CCNB3: variants seen among roughly 807,000 people sequenced by gnomAD.
CCNB3 encodes the protein G2/mitotic-specific cyclin-B3.
CCNB3 carries 12 observed loss-of-function variants against 68.0 expected under a neutral mutation model. That is an observed-to-expected ratio of 0.18 (90% confidence interval 0.11 to 0.29). The LOEUF (loss-of-function observed/expected upper bound fraction) is 0.29, where lower values mean the gene tolerates loss of function less well. Ranked by LOEUF, CCNB3 falls within the 10% of genes least tolerant of loss-of-function variation. The probability of loss-of-function intolerance (pLI) is 1.00; values close to 1 mark genes in which losing one functional copy is unlikely to be tolerated. For missense variants in CCNB3, 904 were observed against 993.1 expected, an observed-to-expected ratio of 0.91 and a Z score of 1.21; for synonymous variants, 354 against 388.9, an observed-to-expected ratio of 0.91 and a Z score of 1.06.
intron 1 of CCNB3, among the ~76,000 whole-genome samples, chrX:50,215,941 CTTTTTTTTTTTTT>C (rs1195858030): frequency 1.9e-5 from 1 of 52,487 alleles, no homozygotes; most frequent in Non-Finnish European, 3.3e-5. Context: ...GGGTGTGCTT[CTTTTTTTTTTTTT>C]TTTTTTTTTT....
At chrX:50,305,568 A>G (rs979574722) in intron 5 of CCNB3, among the ~76,000 whole-genome samples, 13 of 109,881 alleles carry the variant, frequency 1.2e-4, no homozygotes, top group Admixed American at 1.2e-3. Context: ...TGACGAGTTA[A>G]TGGGTGCAGC....
At chrX:50,209,438 C>A (rs1557206026) in intron 1 of CCNB3, among the ~76,000 whole-genome samples, 1 of 110,743 alleles carries the variant, frequency 9.0e-6, no homozygotes, top group South Asian at 3.9e-4. Context: ...TCACTGCAAC[C>A]TCTGCCTCCT....
In CCNB3 at chrX:50,318,747, C is replaced by T. The variant is rs141482453; in HGVS notation, c.3516+4799C>T. 3.8e-3 allele frequency among the ~76,000 whole-genome samples: 421 copies of T among 111,449 alleles called. 3 individuals are homozygous for T. The highest frequency in any genetic ancestry group is 0.013 in the African/African-American group (403 of 30,706). The stretch of plus-strand genomic sequence containing the variant: ...TTGGCTGGTAATCTGGAAACTTGGC[C>T]GGTAAGCAGTCCCCACACTGATATA... On this transcript the variant is annotated intron_variant, in intron 8 of 12. Transcript: ENST00000376042.
chrX:50,222,981 AT>A (rs1935696227), intron 1 of CCNB3, among the ~76,000 whole-genome samples: 1 of 109,589 alleles, frequency 9.1e-6, no homozygotes, highest in Admixed American at 9.9e-5. Flanking sequence ...TTTTTTTCTA[AT>A]CTTGTCTTCA....
intron 3 of CCNB3, 47 bp downstream of exon 3, chrX:50,285,306 C>T: frequency 2.0e-6 from 2 of 976,275 alleles, no homozygotes; most frequent in East Asian, 3.1e-5. Flanking sequence ...TAGTCTCTTC[C>T]TGTGTTGGCT....
chrX:50,339,870 C>T (rs1180555018), intron 8 of CCNB3, among the ~76,000 whole-genome samples: 1 of 110,989 alleles, frequency 9.0e-6, no homozygotes, highest in Non-Finnish European at 1.9e-5. Context: ...AGCACCAAGC[C>T]ATGCAGGCTC....
chrX:50,293,297 A>AT (rs1163054267), intron 4 of CCNB3, among the ~76,000 whole-genome samples: 3 of 107,357 alleles, frequency 2.8e-5, no homozygotes, highest in Admixed American at 2.0e-4. Flanking sequence ...TGTTTTATTA[A>AT]TTTTTTTCAA....
chrX:50,228,596 T>G (rs967510319), intron 1 of CCNB3, among the ~76,000 whole-genome samples: 5 of 85,294 alleles, frequency 5.9e-5, no homozygotes, highest in African/African-American at 1.3e-4. Context: ...AGAATATAGA[T>G]AATATATATA....
Position 50,308,711 on chromosome X carries a change from G to A in CCNB3, c.542G>A (p.Cys181Tyr), listed in dbSNP as rs782592169. The A allele has an allele frequency of 1.5e-5, 18 of 1,209,209 alleles. 1 individual carries two copies. The Middle Eastern group carries it at 3.0e-3, about 200-fold the overall frequency. Reference sequence around the variant, plus strand: ...AATAAGTCATTATCTTTAAAAAAGTGCTCAAATCATGAGGAGGTGTCCTTA... The same window carrying A: ...AATAAGTCATTATCTTTAAAAAAGTACTCAAATCATGAGGAGGTGTCCTTA... ...LINKSLSLKK[C>Y]SNHEEVSLLE... is the part of the protein sequence containing the mutation. Residue 181 changes from cysteine (C) to tyrosine (Y), a missense_variant, in exon 6 of 13, where the codon TGC (cysteine) becomes TAC (tyrosine). Transcript: ENST00000376042.
At chrX:50,290,566 A>C (rs1936330811) in intron 4 of CCNB3, among the ~76,000 whole-genome samples, 2 of 112,436 alleles carry the variant, frequency 1.8e-5, no homozygotes, top group Non-Finnish European at 3.8e-5. Flanking sequence ...AAAGTATCAC[A>C]GCGCATGAGA....
intron 8 of CCNB3, among the ~76,000 whole-genome samples, chrX:50,321,541 T>G (rs1331451516): frequency 8.9e-6 from 1 of 111,810 alleles, no homozygotes; most frequent in Non-Finnish European, 1.9e-5. Context: ...TACACTGGTT[T>G]GAAATGACAC....
intron 8 of CCNB3, among the ~76,000 whole-genome samples, chrX:50,327,695 T>C (rs1189384531): frequency 1.8e-5 from 2 of 112,143 alleles, no homozygotes; most frequent in Non-Finnish European, 3.8e-5. Flanking sequence ...CTTAACGTGG[T>C]AGTCATTACT....
rs782159444 is a variant in CCNB3, at chrX:50,308,981, A to G, written c.812A>G (p.Lys271Arg). ...ATGGAGTCAATGAGTTTTAAGAAGAAGCCTAAAACTGAGGAGTCAATCCCC... is the reference window on the plus strand; with the variant it reads ...ATGGAGTCAATGAGTTTTAAGAAGAGGCCTAAAACTGAGGAGTCAATCCCC... ...FFMESMSFKK[K>R]PKTEESIPTH... Residue 271 changes from lysine (K) to arginine (R), a missense_variant, in exon 6 of 13, where the codon AAG becomes AGG. By Grantham distance (26) the Lys-to-Arg change is conservative (BLOSUM62 2). Around this residue, in one of 2 missense-constraint regions of CCNB3, gnomAD observed 619 missense variants for 609.8 expected, o/e 1.02. Transcript: ENST00000376042. 2 of 1,209,715 alleles carry G rather than the reference A, an allele frequency of 1.7e-6. No homozygotes were observed. Among genetic ancestry groups the G allele is most frequent in the African/African-American group, 3.5e-5 (2 of 57,775 alleles).
intron 1 of CCNB3, among the ~76,000 whole-genome samples, chrX:50,279,754 G>T (rs1473201325): frequency 2.3e-5 from 2 of 86,127 alleles, no homozygotes; most frequent in Admixed American, 1.6e-4. Context: ...ATTCATATAT[G>T]TAAATATATA....
Position 50,309,842 on chromosome X carries a change from A to G in CCNB3, c.1673A>G (p.Glu558Gly), listed in dbSNP as rs972855921. ...ELLDFQDMIGEDKNSFFMEPM... is the reference protein window; with the variant it reads ...ELLDFQDMIGGDKNSFFMEPM... ...TTGGACTTTCAGGATATGATTGGTG[A>G]AGATAAGAATTCTTTCTTTATGGAG... is the stretch of plus-strand genomic sequence containing the variant. Residue 558 changes from glutamate to glycine, a missense_variant, in exon 6 of 13, where the codon GAA becomes GGA. Glu to Gly is a moderately conservative substitution (Grantham distance 98). Around this residue, in one of 2 missense-constraint regions of CCNB3, gnomAD observed 619 missense variants for 609.8 expected, o/e 1.02. Transcript: ENST00000376042. The G allele has an allele frequency of 8.3e-7, 1 of 1,210,598 alleles. No individual in the cohort carries two copies. The highest frequency in any genetic ancestry group is 1.1e-6 in the Non-Finnish European group (1 of 894,392).
Position 50,310,042 on chromosome X carries a change from A to G in CCNB3, c.1873A>G (p.Lys625Glu). 1 of 1,209,415 alleles carries G rather than the reference A, an allele frequency of 8.3e-7. No individual in the cohort carries two copies. Among genetic ancestry groups the G allele is most frequent in the Non-Finnish European group, 1.1e-6 (1 of 893,753 alleles). Residue 625 changes from lysine (K) to glutamate (E), a missense_variant, in exon 6 of 13, where the codon AAG (lysine) becomes GAG (glutamate). Physicochemically the swap from Lys to Glu is moderately conservative, Grantham distance 56 (BLOSUM62 1). Coordinates refer to ENST00000376042, the MANE Select transcript of CCNB3 (RefSeq NM_033031.3). ...ATTCTATAAGAAGCTGTTGCCCTTT[A>G]AGATGAAATCTACAACGGAAGAAAA... is the stretch of plus-strand genomic sequence containing the variant. Reference protein sequence around the residue: ...ESFYKKLLPFKMKSTTEEKFL... With the variant: ...ESFYKKLLPFEMKSTTEEKFL...
chrX:50,317,656 G>A (rs1557216004), intron 8 of CCNB3, among the ~76,000 whole-genome samples: 2 of 109,984 alleles, frequency 1.8e-5, no homozygotes, highest in Non-Finnish European at 3.8e-5. Flanking sequence ...TGCAACCTCC[G>A]CCTCCCAGGT....
At chrX:50,222,828 G>A (rs1935694027) in intron 1 of CCNB3, among the ~76,000 whole-genome samples, 1 of 111,458 alleles carries the variant, frequency 9.0e-6, no homozygotes, top group Non-Finnish European at 1.9e-5. Flanking sequence ...CTAGGTTGGG[G>A]AAGTTCTCTT....
chrX:50,216,140 G>T (rs926265084), intron 1 of CCNB3, among the ~76,000 whole-genome samples: 5 of 108,227 alleles, frequency 4.6e-5, no homozygotes, highest in African/African-American at 1.7e-4. Context: ...GTAGAAACGG[G>T]GTTTCACCAT....
Sources: gnomAD v4.1 joint callset for allele counts (sites outside exome capture counted in the v4.1 genomes callset) on GRCh38, gnomAD v4.1.1 for gene constraint, gnomAD v4.1.1 regional missense constraint, MANE v1.5 for transcripts, NCBI Gene and HGNC (gene_info 2026-07-23, HGNC 2026-07-21) for gene names.